Variants in FYN observed in about 807,000 individuals in gnomAD.
FYN encodes FYN proto-oncogene, Src family tyrosine kinase.
FYN carries 10 observed loss-of-function variants against 70.2 expected under a neutral mutation model. That is an observed-to-expected ratio of 0.14 (90% CI 0.09 to 0.24). FYN has a LOEUF of 0.24. Among genes scored for constraint, FYN ranks in the 10% least tolerant of loss-of-function variants. The probability of loss-of-function intolerance (pLI) is 1.00; values close to 1 mark genes in which losing one functional copy is unlikely to be tolerated. For synonymous variants in FYN, 236 were observed against 248.6 expected (o/e 0.95, Z 0.48); for missense variants, 319 against 673.1 (o/e 0.47, Z 5.82).
intron 3 of FYN, among the ~76,000 whole-genome samples, chr6:111,727,974 G>A (rs535592617): frequency 2.5e-4 from 38 of 152,170 alleles, no homozygotes; most frequent in Non-Finnish European, 4.1e-4. Flanking sequence ...ACTCAAAAGC[G>A]CTCAATAAAA....
At chr6:111,867,424 T>C (rs1458147833) in intron 1 of FYN, among the ~76,000 whole-genome samples, 17 of 127,578 alleles carry the variant, frequency 1.3e-4, no homozygotes, top group Admixed American at 6.9e-4. Context: ...CATTGCACTC[T>C]AGCCTGGGCA....
intron 2 of FYN, among the ~76,000 whole-genome samples, chr6:111,786,588 G>T (rs1771396650): frequency 6.6e-6 from 1 of 152,204 alleles, no homozygotes; most frequent in Non-Finnish European, 1.5e-5. Flanking sequence ...CCAGTAATGG[G>T]ATTGCTGGGT....
intron 2 of FYN, among the ~76,000 whole-genome samples, chr6:111,792,323 T>C (rs1330054319): frequency 2.6e-5 from 4 of 152,140 alleles, no homozygotes; most frequent in African/African-American, 7.2e-5. Context: ...CTGGCTAAAA[T>C]GATAAAGACT....
intron 6 of FYN, 99 bp downstream of exon 6, chr6:111,707,823 T>C: frequency 1.1e-6 from 1 of 909,098 alleles, no homozygotes; most frequent in Non-Finnish European, 1.8e-6. Flanking sequence ...TAATCACTGC[T>C]GTGAATTTCT....
chr6:111,701,580 A>C (rs1010473147), intron 8 of FYN, among the ~76,000 whole-genome samples: 2 of 152,218 alleles, frequency 1.3e-5, no homozygotes, highest in Admixed American at 6.5e-5. Flanking sequence ...GAGATTAAAA[A>C]AAGTGTCTAT....
chr6:111,743,505 G>A (rs982248100), intron 3 of FYN, among the ~76,000 whole-genome samples: 1 of 152,212 alleles, frequency 6.6e-6, no homozygotes, highest in African/African-American at 2.4e-5. Context: ...GACAGCTCAC[G>A]TGATCAGTCC....
intron 13 of FYN, among the ~76,000 whole-genome samples, chr6:111,671,712 C>T (rs566838145): frequency 2.6e-4 from 39 of 152,314 alleles, no homozygotes; most frequent in African/African-American, 9.4e-4. Flanking sequence ...TCAGCGCACA[C>T]TGACTGACTT....
chr6:111,709,517 A>C (rs919647049), intron 5 of FYN, among the ~76,000 whole-genome samples: 5 of 152,198 alleles, frequency 3.3e-5, no homozygotes, highest in Non-Finnish European at 5.9e-5. Flanking sequence ...CACAAAAAAA[A>C]CCAAGGTGCC....
At chr6:111,716,349 T>C (rs1234999674) in intron 4 of FYN, among the ~76,000 whole-genome samples, 1 of 152,226 alleles carries the variant, frequency 6.6e-6, no homozygotes, top group East Asian at 1.9e-4. Flanking sequence ...GAAGTGTAGA[T>C]TCTAGTGAAA....
chr6:111,732,205 G>A (rs138272667), intron 3 of FYN, among the ~76,000 whole-genome samples: 2 of 152,196 alleles, frequency 1.3e-5, no homozygotes, highest in Admixed American at 6.5e-5. Flanking sequence ...TACATTCTGC[G>A]AACACTACTG....
chr6:111,662,095 T>C (rs1797763966), intron 13 of FYN, 148 bp from the exon 14 acceptor site: 2 of 618,570 alleles, frequency 3.2e-6, no homozygotes, highest in Non-Finnish European at 5.6e-6. Context: ...AACCCTGCCA[T>C]GCTACTCAGG....
intron 2 of FYN, among the ~76,000 whole-genome samples, chr6:111,808,093 G>A (rs1278845501): frequency 1.3e-5 from 2 of 151,942 alleles, no homozygotes; most frequent in African/African-American, 2.4e-5. Flanking sequence ...GGGCGATAGA[G>A]CAACACTCAG....
At chr6:111,765,331 G>C (rs1482600331) in intron 3 of FYN, among the ~76,000 whole-genome samples, 1 of 152,176 alleles carries the variant, frequency 6.6e-6, no homozygotes, top group East Asian at 1.9e-4. Context: ...GTAGGGCCCT[G>C]ATCCAATAGG....
intron 2 of FYN, among the ~76,000 whole-genome samples, chr6:111,810,400 C>T (rs78255445): frequency 0.02 from 2,984 of 152,244 alleles, 37 homozygotes; most frequent in Non-Finnish European, 0.028. Flanking sequence ...GGATGTGAAT[C>T]CACTTGATGT....
chr6:111,753,850 G>C (rs553993284), intron 3 of FYN, among the ~76,000 whole-genome samples: 4 of 152,324 alleles, frequency 2.6e-5, no homozygotes, highest in South Asian at 4.1e-4. Flanking sequence ...CAGAAACACT[G>C]AGAAACACAG....
At position 111,747,153 on chromosome 6, in the gene FYN, A is replaced by C. The variant is rs188359220; in HGVS notation, c.-11-27091T>G. Reference sequence around the variant, plus strand: ...AAGTAGCACTTTAGTAAGTAGATTAAGAGAGTCCAGCAGTGAAAGGAAGTG... The same window carrying C: ...AAGTAGCACTTTAGTAAGTAGATTACGAGAGTCCAGCAGTGAAAGGAAGTG... On this transcript the variant is annotated intron_variant, in intron 3 of 13. Transcript: ENST00000354650. 7.2e-5 allele frequency among the ~76,000 whole-genome samples: 11 copies of C among 152,342 alleles called. No homozygotes were observed. In the East Asian group the frequency reaches 2.1e-3, roughly 29 times the overall value.
chr6:111,764,259 A>AG (rs1803134529), intron 3 of FYN, among the ~76,000 whole-genome samples: 1 of 151,322 alleles, frequency 6.6e-6, no homozygotes, highest in African/African-American at 2.4e-5. Context: ...AAAGAAAGAA[A>AG]AAAGAAAAAA....
chr6:111,836,824 G>C (rs1359923271), intron 2 of FYN, among the ~76,000 whole-genome samples: 2 of 152,132 alleles, frequency 1.3e-5, no homozygotes, highest in Non-Finnish European at 2.9e-5. Flanking sequence ...TGCTCTGTTG[G>C]TTCTGAAATG....
chr6:111,699,628 G>C, intron 9 of FYN: 2 of 1,613,898 alleles, frequency 1.2e-6, no homozygotes, highest in Non-Finnish European at 1.7e-6. Flanking sequence ...GGTACAACTC[G>C]ATGCAATCAC....
Sources: gnomAD v4.1 joint callset for allele counts (sites outside exome capture counted in the v4.1 genomes callset) on GRCh38, gnomAD v4.1.1 for gene constraint, MANE v1.5 for transcripts, NCBI Gene and HGNC (gene_info 2026-07-23, HGNC 2026-07-21) for gene names.